ARL15: variants seen among roughly 807,000 people sequenced by gnomAD.
ARL15 encodes the protein ADP-ribosylation factor-like protein 15.
A neutral mutation model predicts 25.2 loss-of-function variants in ARL15; 19 were observed. That is an observed-to-expected ratio of 0.75 (90% CI 0.53 to 1.10). ARL15 has a LOEUF of 1.10. Among genes scored for constraint, ARL15 ranks in the 50% least tolerant of loss-of-function variants. ARL15 has a pLI of 0.00. For missense variants in ARL15, 220 were observed against 246.0 expected (o/e 0.89, Z 0.71); for synonymous variants, 94 against 86.8 (o/e 1.08, Z -0.46).
At chr5:54,056,255 T>TAA (rs1750868028) in intron 4 of ARL15, among the ~76,000 whole-genome samples, 2 of 152,114 alleles carry the variant, frequency 1.3e-5, no homozygotes, top group African/African-American at 2.4e-5. Context: ...TTAAAGAGTT[T>TAA]AACCCAATAG....
intron 4 of ARL15, among the ~76,000 whole-genome samples, chr5:53,957,176 G>C (rs1580117208): frequency 6.6e-6 from 1 of 151,992 alleles, no homozygotes; most frequent in Non-Finnish European, 1.5e-5. Context: ...GAAAGCCAAG[G>C]AATTTTGAAA....
At chr5:54,163,356 CTTTTTTTTTTTTTTTTTTTTTTTTT>C (rs869196680) in intron 2 of ARL15, among the ~76,000 whole-genome samples, 2 of 55,652 alleles carry the variant, frequency 3.6e-5, no homozygotes, top group South Asian at 5.0e-4. Context: ...TGGTATGAAG[CTTTTTTTTTTTTTTTTTTTTTTTTT>C]TTTTTTTTTT....
chr5:53,909,942 A>T (rs975234610), intron 4 of ARL15, among the ~76,000 whole-genome samples: 1 of 152,196 alleles, frequency 6.6e-6, no homozygotes. Context: ...GCAGATAAAT[A>T]TAGTTGCTTT....
At chr5:54,227,139 T>C (rs1484930709) in intron 1 of ARL15, among the ~76,000 whole-genome samples, 1 of 152,190 alleles carries the variant, frequency 6.6e-6, no homozygotes, top group Non-Finnish European at 1.5e-5. Context: ...AACAGACTAA[T>C]ACACTATTTC....
intron 4 of ARL15, among the ~76,000 whole-genome samples, chr5:54,065,853 A>G (rs1311263523): frequency 2.0e-5 from 3 of 152,222 alleles, no homozygotes; most frequent in Non-Finnish European, 4.4e-5. Context: ...GTTAAATAAA[A>G]TGCAATGTTA....
At chr5:53,964,939 T>C (rs1747500282) in intron 4 of ARL15, among the ~76,000 whole-genome samples, 1 of 152,216 alleles carries the variant, frequency 6.6e-6, no homozygotes, top group Non-Finnish European at 1.5e-5. Flanking sequence ...CTTATTCCAT[T>C]GTGCACCTTG....
chr5:54,286,304 A>G (rs1282042633), intron 1 of ARL15: 3 of 152,216 alleles, frequency 2.0e-5, no homozygotes, highest in Non-Finnish European at 4.4e-5. Context: ...TTTTCTAAAA[A>G]TGTTTTCAGT....
chr5:54,240,714 C>A (rs910253446), intron 1 of ARL15, among the ~76,000 whole-genome samples: 17 of 152,070 alleles, frequency 1.1e-4, no homozygotes, highest in African/African-American at 3.9e-4. Flanking sequence ...GATTTGAAAT[C>A]CTCTCAAAAT....
chr5:54,146,575 A>G (rs1205360810), intron 3 of ARL15, among the ~76,000 whole-genome samples: 3 of 152,174 alleles, frequency 2.0e-5, no homozygotes, highest in Admixed American at 6.5e-5. Context: ...TATTATGGCA[A>G]TCCCTGGGAG....
chr5:53,983,398 T>C (rs141869169), intron 4 of ARL15, among the ~76,000 whole-genome samples: 54 of 152,264 alleles, frequency 3.5e-4, no homozygotes, highest in African/African-American at 1.2e-3. Context: ...TGTTACCCAT[T>C]TATAAGAAAC....
At chr5:54,013,639 A>C (rs1749313739) in intron 4 of ARL15, among the ~76,000 whole-genome samples, 1 of 152,112 alleles carries the variant, frequency 6.6e-6, no homozygotes, top group Non-Finnish European at 1.5e-5. Flanking sequence ...TATAAATAAC[A>C]TCACTATTGT....
At chr5:54,181,542 T>C (rs1755058352) in intron 1 of ARL15, among the ~76,000 whole-genome samples, 1 of 152,226 alleles carries the variant, frequency 6.6e-6, no homozygotes, top group Non-Finnish European at 1.5e-5. Flanking sequence ...AAACAGGAAG[T>C]AGGCCATAAA....
chr5:53,972,296 T>TA (rs1352390854), intron 4 of ARL15, among the ~76,000 whole-genome samples: 1 of 152,252 alleles, frequency 6.6e-6, no homozygotes, highest in Non-Finnish European at 1.5e-5. Flanking sequence ...TTTTCCTCCC[T>TA]AAAAAAATAC....
At chr5:54,310,128 A>G (rs1447357532) in intron 1 of ARL15, among the ~76,000 whole-genome samples, 5 of 152,288 alleles carry the variant, frequency 3.3e-5, no homozygotes, top group East Asian at 1.9e-4. Flanking sequence ...GAAGCCAGGA[A>G]GCCGATCGCG....
chr5:54,205,768 C>G (rs1337650042), intron 1 of ARL15, among the ~76,000 whole-genome samples: 1 of 152,162 alleles, frequency 6.6e-6, no homozygotes, highest in Non-Finnish European at 1.5e-5. Context: ...CTAGGAACTC[C>G]TGGTCAAAGG....
At chr5:54,245,674 G>A (rs886783087) in intron 1 of ARL15, among the ~76,000 whole-genome samples, 1 of 151,854 alleles carries the variant, frequency 6.6e-6, no homozygotes, top group African/African-American at 2.4e-5. Context: ...TGCAACCTCC[G>A]CCTCTTGAGT....
chr5:53,944,456 C>CA lies in ARL15; in HGVS notation c.463-57744dup, dbSNP rs201366534. On this transcript the variant is annotated intron_variant, in intron 4 of 4. Coordinates refer to ENST00000504924, the MANE Select transcript of ARL15 (RefSeq NM_019087.3). ...TGAAACTTCATCTCTACAAAAAATA[C>CA]AAAAAATTTGCTGAGTGTGGTGGCA... 5.4e-3 allele frequency among the ~76,000 whole-genome samples: 823 copies of CA among 152,026 alleles called. 9 individuals are homozygous for CA. Among genetic ancestry groups the CA allele is most frequent in the African/African-American group, 0.019 (794 of 41,478 alleles).
chr5:53,962,866 T>C (rs530559333), intron 4 of ARL15, among the ~76,000 whole-genome samples: 1 of 152,278 alleles, frequency 6.6e-6, no homozygotes, highest in African/African-American at 2.4e-5. Flanking sequence ...TTTTTTTATT[T>C]TTATTTTTTT....
chr5:54,172,422 A>G (rs555442068), intron 1 of ARL15, among the ~76,000 whole-genome samples: 29 of 150,794 alleles, frequency 1.9e-4, no homozygotes, highest in Middle Eastern at 3.4e-3. Flanking sequence ...TCAAAAGGGG[A>G]AAAAAAAAGC....
Sources: gnomAD v4.1 joint callset for allele counts (sites outside exome capture counted in the v4.1 genomes callset) on GRCh38, gnomAD v4.1.1 for gene constraint, MANE v1.5 for transcripts, NCBI Gene and HGNC (gene_info 2026-07-23, HGNC 2026-07-21) for gene names.